Variants in HAUS6 observed in about 807,000 individuals in gnomAD.
HAUS6 encodes the protein HAUS augmin-like complex subunit 6.
HAUS6 carries 80 observed loss-of-function variants against 106.8 expected under a neutral mutation model. The observed-to-expected ratio is 0.75, with a 90% CI of 0.63 to 0.90. HAUS6 has a LOEUF of 0.90. Among genes scored for constraint, HAUS6 ranks in the 40% least tolerant of loss-of-function variants. The probability of loss-of-function intolerance (pLI) is 0.00; values close to 1 mark genes in which losing one functional copy is unlikely to be tolerated. For synonymous variants in HAUS6, 356 were observed against 379.1 expected, an observed-to-expected ratio of 0.94 and a Z score of 0.71; for missense variants, 1,155 against 1,118.1, an observed-to-expected ratio of 1.03 and a Z score of -0.47.
rs1836425337 is a variant in HAUS6, at chr9:19,054,369, A to C, written c.*1974T>G. On this transcript the variant is annotated 3_prime_UTR_variant, in exon 17 of 17. Coordinates refer to ENST00000380502, the MANE Select transcript of HAUS6 (RefSeq NM_017645.5). ...ATCAAAACAGTTCCTTAAGATCAAA[A>C]GGTAACTATGTAGGAGATACTGGAT... 6.6e-6 allele frequency: 1 copy of C among 152,236 alleles called. No homozygotes were observed. Among genetic ancestry groups the C allele is most frequent in the African/African-American group, 2.4e-5 (1 of 41,460 alleles). 9.4% of individuals were successfully genotyped at this position (152,236 alleles called of 1,614,324 possible). A position where few individuals can be genotyped will look rare whatever the true frequency, so the allele number is the denominator to read the frequency against.
chr9:19,085,261 C>G (rs1473187449), intron 7 of HAUS6, among the ~76,000 whole-genome samples: 3 of 152,140 alleles, frequency 2.0e-5, no homozygotes, highest in African/African-American at 4.8e-5. Context: ...TCAAAGTTGA[C>G]TGTACTCAGG....
chr9:19,080,508 C>T lies in HAUS6; in HGVS notation c.1035G>A (p.Lys345=), dbSNP rs1422733618. ...TATGTTTCAGATCTGATAATCTTTC[C>T]TTCTGAAATTTGGTCTCTTTTTCAA... The part of the protein sequence containing the change: ...HYLEKETKFQ[K]ERLSDLKHMR... Residue 345 remains lysine, a synonymous_variant, in exon 9 of 17, where the codon AAG becomes AAA. Coordinates refer to ENST00000380502, the MANE Select transcript of HAUS6 (RefSeq NM_017645.5). 4.4e-5 allele frequency: 70 copies of T among 1,607,872 alleles called. 1 individual carries two copies. The Admixed American group carries it at 1.1e-3, about 26-fold the overall frequency.
chr9:19,095,504 C>A (rs77971849), intron 2 of HAUS6, among the ~76,000 whole-genome samples: 101 of 136,486 alleles, frequency 7.4e-4, no homozygotes, highest in Middle Eastern at 3.9e-3. Context: ...TGATAATCAG[C>A]AAAAAAAAAA....
At chr9:19,073,542 T>C (rs1483128186) in intron 11 of HAUS6, among the ~76,000 whole-genome samples, 1 of 150,954 alleles carries the variant, frequency 6.6e-6, no homozygotes, top group Non-Finnish European at 1.5e-5. Flanking sequence ...TTTCATAGAT[T>C]CGAAGGGGTA....
chr9:19,063,259 T>C (rs1836670981), intron 13 of HAUS6, 66 bp from the exon 14 acceptor site: 1 of 1,035,412 alleles, frequency 9.7e-7, no homozygotes, highest in South Asian at 1.6e-5. Context: ...GCTGTCTTCA[T>C]TAGCAGTTCA....
chr9:19,070,178 G>GT (rs768859153), intron 12 of HAUS6, 41 bp downstream of exon 12: 3 of 1,091,122 alleles, frequency 2.7e-6, no homozygotes, highest in East Asian at 4.9e-5. Flanking sequence ...TAAAATAAGA[G>GT]TTTTTTAATG....
chr9:19,060,675 T>C (rs576548945), intron 14 of HAUS6, among the ~76,000 whole-genome samples: 32 of 152,266 alleles, frequency 2.1e-4, no homozygotes, highest in South Asian at 1.7e-3. Flanking sequence ...ACAACATACC[T>C]CTTCACCAGA....
chr9:19,067,182 C>G (rs1253633744), intron 12 of HAUS6, among the ~76,000 whole-genome samples: 2 of 152,128 alleles, frequency 1.3e-5, no homozygotes, highest in Non-Finnish European at 2.9e-5. Flanking sequence ...TCCCAGTTAA[C>G]TACATTATTA....
Position 19,063,205 on chromosome 9 carries a change from A to G in HAUS6, c.1444-12T>C, listed in dbSNP as rs1836669203. On this transcript the variant is annotated splice_polypyrimidine_tract_variant and intron_variant, in intron 13 of 16. Coordinates refer to ENST00000380502, the MANE Select transcript of HAUS6 (RefSeq NM_017645.5). ...CCCATCTTTGTGTCCTGAAGAAGACAGATATGTAATGTTAAACCCTTAATA... is the reference window on the plus strand; with the variant it reads ...CCCATCTTTGTGTCCTGAAGAAGACGGATATGTAATGTTAAACCCTTAATA... 6.4e-7 allele frequency: 1 copy of G among 1,557,884 alleles called. No homozygotes were observed.
At position 19,053,724 on chromosome 9, in the gene HAUS6, TAAG is replaced by T. The variant is rs1171622348; in HGVS notation, c.*2616_*2618del. The T allele has an allele frequency of 6.6e-6, 1 of 152,178 alleles. No individual in the cohort carries two copies. Among genetic ancestry groups the T allele is most frequent in the Non-Finnish European group, 1.5e-5 (1 of 68,004 alleles). The allele number at this position is 152,178 out of a possible 1,614,324, so 9.4% of individuals were successfully genotyped here. A position where few individuals can be genotyped will look rare whatever the true frequency, so the allele number is the denominator to read the frequency against. On this transcript the variant is annotated 3_prime_UTR_variant, in exon 17 of 17. Coordinates refer to ENST00000380502, the MANE Select transcript of HAUS6 (RefSeq NM_017645.5). ...TTCTATATGTCTGATATTAATGTAA[TAAG>T]AAATCCACTTAGAGTAATAAATTAG...
chr9:19,056,051 A>G lies in HAUS6; in HGVS notation c.*292T>C. ...AAATAAGTTACACTACTACTTTGTC[A>G]TTCACTTAATGCTTACAAGATTACT... is the stretch of plus-strand genomic sequence containing the variant. On this transcript the variant is annotated 3_prime_UTR_variant, in exon 17 of 17. Transcript: ENST00000380502. 3.1e-6 allele frequency: 1 copy of G among 323,332 alleles called. No homozygotes were observed. Among genetic ancestry groups the G allele is most frequent in the Non-Finnish European group, 5.6e-6 (1 of 177,288 alleles). The allele number at this position is 323,332 out of a possible 1,614,324, so 20.0% of individuals were successfully genotyped here. A position where few individuals can be genotyped will look rare whatever the true frequency, so the allele number is the denominator to read the frequency against.
chr9:19,088,349 G>A (rs1444335042), intron 5 of HAUS6, among the ~76,000 whole-genome samples: 2 of 151,544 alleles, frequency 1.3e-5, no homozygotes, highest in Admixed American at 6.6e-5. Context: ...CTGGGAGGTG[G>A]AGGTTGCAGT....
intron 12 of HAUS6, among the ~76,000 whole-genome samples, chr9:19,068,464 A>C (rs951464766): frequency 6.6e-6 from 1 of 152,220 alleles, no homozygotes; most frequent in Non-Finnish European, 1.5e-5. Context: ...GTTCTTCCAC[A>C]ACTAGTCCTG....
In HAUS6 at chr9:19,089,480, T is replaced by G. The variant is rs968338946; in HGVS notation, c.516A>C (p.Ala172=). ...LHKCIARCHF[A]RSRFLQILQR... is the part of the protein sequence containing the mutation. ...GCAAAATTTGTAAAAATCTGCTACG[T>G]GCGAAATGGCATCTGGCAATGCATT... Residue 172 remains alanine, a synonymous_variant, in exon 5 of 17, where the codon GCA becomes GCC. Coordinates refer to ENST00000380502, the MANE Select transcript of HAUS6 (RefSeq NM_017645.5). The G allele has an allele frequency of 1.9e-6, 3 of 1,611,772 alleles. No individual in the cohort carries two copies. Among genetic ancestry groups the G allele is most frequent in the Non-Finnish European group, 1.7e-6 (2 of 1,177,996 alleles).
chr9:19,066,604 T>C (rs529141190), intron 12 of HAUS6, among the ~76,000 whole-genome samples: 13 of 152,144 alleles, frequency 8.5e-5, no homozygotes, highest in Admixed American at 3.3e-4. Context: ...CAAAAAGCCA[T>C]TGCAAAGAAT....
intron 2 of HAUS6, 22 bp from the exon 3 acceptor site, chr9:19,094,417 G>T (rs375348136): frequency 7.7e-6 from 11 of 1,424,844 alleles, no homozygotes; most frequent in Non-Finnish European, 8.9e-6. Context: ...AAATAAAAGC[G>T]TAAGGACTAT....
intron 9 of HAUS6, among the ~76,000 whole-genome samples, chr9:19,079,624 T>C (rs753416874): frequency 3.3e-5 from 5 of 152,124 alleles, no homozygotes; most frequent in Non-Finnish European, 7.3e-5. Flanking sequence ...AAGCAGCCCA[T>C]ACTTTCTATT....
At chr9:19,094,532 T>G in intron 2 of HAUS6, 137 bp from the exon 3 acceptor site, 1 of 601,990 alleles carries the variant, frequency 1.7e-6, no homozygotes, top group East Asian at 2.9e-5. Flanking sequence ...TGGCTCACAC[T>G]TTTAATCCCA....
chr9:19,096,781 A>C lies in HAUS6; in HGVS notation c.129-12T>G. On this transcript the variant is annotated splice_polypyrimidine_tract_variant and intron_variant, in intron 1 of 16. Transcript: ENST00000380502. ...TGTCAAACATGTTCCTAGTGGTTAA[A>C]AATGAAATAGAAATAGAAAAAGAAA... The C allele has an allele frequency of 7.8e-7, 1 of 1,285,350 alleles. No homozygotes were observed. The allele number at this position is 1,285,350 out of a possible 1,614,324, so 79.6% of individuals were successfully genotyped here. A position where few individuals can be genotyped will look rare whatever the true frequency, so the allele number is the denominator to read the frequency against.
Sources: gnomAD v4.1 joint callset for allele counts (sites outside exome capture counted in the v4.1 genomes callset) on GRCh38, gnomAD v4.1.1 for gene constraint, MANE v1.5 for transcripts, NCBI Gene and HGNC (gene_info 2026-07-23, HGNC 2026-07-21) for gene names.